CCBE1: variants seen among roughly 807,000 people sequenced by gnomAD.
CCBE1 encodes collagen and calcium binding EGF domains 1.
Under a neutral mutation model 50.0 loss-of-function variants are expected in CCBE1, and 37 were observed. The ratio of observed to expected loss-of-function variants is 0.74; its 90% CI spans 0.57 to 0.97. CCBE1 has a LOEUF of 0.97. Among genes scored for constraint, CCBE1 ranks in the 50% least tolerant of loss-of-function variants. CCBE1 has a pLI of 0.00. For missense variants in CCBE1, 538 were observed against 523.8 expected (o/e 1.03, Z -0.26); for synonymous variants, 234 against 203.7 (o/e 1.15, Z -1.27).
At chr18:59,694,837 A>G (rs2054783616) in intron 2 of CCBE1, among the ~76,000 whole-genome samples, 1 of 152,252 alleles carries the variant, frequency 6.6e-6, no homozygotes, top group South Asian at 2.1e-4. Flanking sequence ...TTTCATATAC[A>G]CAAGGATCAA....
intron 2 of CCBE1, among the ~76,000 whole-genome samples, chr18:59,601,551 T>C (rs945894028): frequency 2.6e-5 from 4 of 152,176 alleles, no homozygotes; most frequent in Non-Finnish European, 5.9e-5. Context: ...CTCTCATGTA[T>C]GTCTTTATTA....
intron 2 of CCBE1, among the ~76,000 whole-genome samples, chr18:59,539,950 C>T (rs1423409005): frequency 6.6e-6 from 1 of 152,050 alleles, no homozygotes; most frequent in Non-Finnish European, 1.5e-5. Flanking sequence ...TGTTCTTGCC[C>T]CATGGAGAAT....
chr18:59,680,570 C>T (rs1020574934), intron 2 of CCBE1, among the ~76,000 whole-genome samples: 1 of 151,426 alleles, frequency 6.6e-6, no homozygotes, highest in Non-Finnish European at 1.5e-5. Flanking sequence ...TGGTGGCGGG[C>T]GCCTGTAGTC....
intron 3 of CCBE1, among the ~76,000 whole-genome samples, chr18:59,479,888 G>C (rs1912484840): frequency 6.6e-6 from 1 of 152,190 alleles, no homozygotes; most frequent in Non-Finnish European, 1.5e-5. Context: ...GGTTCTAATT[G>C]TGTGTAAAAT....
chr18:59,477,595 CTTCTT>C (rs1195288184), intron 3 of CCBE1, among the ~76,000 whole-genome samples: 2 of 149,384 alleles, frequency 1.3e-5, no homozygotes, highest in African/African-American at 2.5e-5. Flanking sequence ...TGTTTTCTTC[CTTCTT>C]TTATCTTCTT....
At chr18:59,654,359 A>C (rs1242756414) in intron 2 of CCBE1, among the ~76,000 whole-genome samples, 1 of 152,216 alleles carries the variant, frequency 6.6e-6, no homozygotes, top group Non-Finnish European at 1.5e-5. Context: ...AGCCCAGAGA[A>C]TCATGCCCGT....
At chr18:59,626,110 T>C (rs930401396) in intron 2 of CCBE1, among the ~76,000 whole-genome samples, 16 of 152,220 alleles carry the variant, frequency 1.1e-4, no homozygotes, top group African/African-American at 2.9e-4. Flanking sequence ...CAGAAGTGGA[T>C]AGTCCAAGAT....
chr18:59,647,316 AC>A (rs1361048190), intron 2 of CCBE1, among the ~76,000 whole-genome samples: 1 of 152,210 alleles, frequency 6.6e-6, no homozygotes, highest in East Asian at 1.9e-4. Flanking sequence ...ACAGGAAATG[AC>A]CATATGTTAT....
At chr18:59,692,102 G>A (rs1568275990) in intron 2 of CCBE1, among the ~76,000 whole-genome samples, 1 of 152,206 alleles carries the variant, frequency 6.6e-6, no homozygotes. Context: ...AACGAGTGAT[G>A]TTTCTGGCTG....
intron 2 of CCBE1, among the ~76,000 whole-genome samples, chr18:59,509,638 T>G (rs1914042108): frequency 6.6e-6 from 1 of 152,164 alleles, no homozygotes; most frequent in Non-Finnish European, 1.5e-5. Context: ...AGCACATGTC[T>G]TAAGTTGACA....
At chr18:59,472,015 A>C (rs1170713252) in intron 3 of CCBE1, among the ~76,000 whole-genome samples, 2 of 152,264 alleles carry the variant, frequency 1.3e-5, no homozygotes, top group South Asian at 4.1e-4. Flanking sequence ...AGAAAACAGT[A>C]GCAGCAAAAT....
chr18:59,548,487 C>G (rs1915794047), intron 2 of CCBE1, among the ~76,000 whole-genome samples: 1 of 152,112 alleles, frequency 6.6e-6, no homozygotes, highest in South Asian at 2.1e-4. Flanking sequence ...AAGAACAGAG[C>G]AACTTAAATT....
chr18:59,659,814 C>T lies in CCBE1; in HGVS notation c.212+36815G>A, dbSNP rs760211493. Among the ~76,000 whole-genome samples the T allele has an allele frequency of 2.8e-4, 42 of 152,304 alleles. 2 individuals carry two copies. Among genetic ancestry groups the T allele is most frequent in the East Asian group, 9.6e-4 (5 of 5,184 alleles). Reference sequence around the variant, plus strand: ...GCCAGCAATGAGCTGCGTGATCAAACACATGGATGAAAGCTTCCTGGACCC... The same window carrying T: ...GCCAGCAATGAGCTGCGTGATCAAATACATGGATGAAAGCTTCCTGGACCC... On this transcript the variant is annotated intron_variant, in intron 2 of 10. Coordinates refer to ENST00000439986, the MANE Select transcript of CCBE1 (RefSeq NM_133459.4).
At chr18:59,629,424 C>T (rs115451171) in intron 2 of CCBE1, among the ~76,000 whole-genome samples, 3,999 of 152,274 alleles carry the variant, frequency 0.026, 179 homozygotes, top group African/African-American at 0.092. Flanking sequence ...CTTCCTAATA[C>T]ATAGTATTGT....
intron 2 of CCBE1, among the ~76,000 whole-genome samples, chr18:59,496,249 A>T (rs1913350220): frequency 6.6e-6 from 1 of 152,144 alleles, no homozygotes; most frequent in Admixed American, 6.5e-5. Context: ...TGTCTCCTCT[A>T]ATTGACCATG....
At chr18:59,552,046 AT>A (rs1349959812) in intron 2 of CCBE1, among the ~76,000 whole-genome samples, 1 of 152,210 alleles carries the variant, frequency 6.6e-6, no homozygotes, top group East Asian at 1.9e-4. Flanking sequence ...GATGGAGGGT[AT>A]AAGATGGCCT....
intron 3 of CCBE1, 111 bp from the exon 4 acceptor site, chr18:59,469,718 G>T: frequency 7.2e-7 from 1 of 1,380,034 alleles, no homozygotes; most frequent in East Asian, 2.3e-5. Flanking sequence ...CACGTGTGAA[G>T]TGTGGACAGA....
At chr18:59,685,291 TCC>T (rs2054640681) in intron 2 of CCBE1, among the ~76,000 whole-genome samples, 3 of 152,126 alleles carry the variant, frequency 2.0e-5, no homozygotes, top group African/African-American at 7.2e-5. Flanking sequence ...CTATCCTTGA[TCC>T]ATTCTCCTAT....
intron 2 of CCBE1, among the ~76,000 whole-genome samples, chr18:59,585,802 T>C (rs2053171215): frequency 6.6e-6 from 1 of 152,186 alleles, no homozygotes; most frequent in Non-Finnish European, 1.5e-5. Context: ...CACATAGGCA[T>C]TAATATCATT....
Sources: allele counts gnomAD v4.1 joint callset (sites outside exome capture counted in the v4.1 genomes callset), GRCh38; gene constraint gnomAD v4.1.1; transcripts MANE v1.5; gene names NCBI Gene and HGNC (gene_info 2026-07-23, HGNC 2026-07-21).